PCDH9: variants seen among roughly 807,000 people sequenced by gnomAD.
The protein encoded by PCDH9 is protocadherin 9, also known as protocadherin-9.
PCDH9 carries 24 observed loss-of-function variants against 70.6 expected under a neutral mutation model. That is an observed-to-expected ratio of 0.34 (90% CI 0.25 to 0.48). PCDH9 has a LOEUF of 0.48. Ranked by LOEUF, PCDH9 falls within the 20% of genes least tolerant of loss-of-function variation. PCDH9 has a pLI of 0.99. For missense variants in PCDH9, 1,281 were observed against 1,503.6 expected (o/e 0.85, Z 2.45); for synonymous variants, 562 against 558.5 (o/e 1.01, Z -0.09).
At chr13:66,765,463 A>C (rs2079700444) in intron 3 of PCDH9, among the ~76,000 whole-genome samples, 1 of 152,102 alleles carries the variant, frequency 6.6e-6, no homozygotes, top group Non-Finnish European at 1.5e-5. Context: ...TGTGCTACAA[A>C]ATGGGACTAC....
At chr13:66,954,623 A>G (rs549773315) in intron 2 of PCDH9, among the ~76,000 whole-genome samples, 1 of 152,344 alleles carries the variant, frequency 6.6e-6, no homozygotes, top group South Asian at 2.1e-4. Context: ...TCTGAGATGT[A>G]CACTACTGCA....
intron 3 of PCDH9, among the ~76,000 whole-genome samples, chr13:66,660,378 G>A (rs1204438105): frequency 6.6e-6 from 1 of 152,032 alleles, no homozygotes; most frequent in Non-Finnish European, 1.5e-5. Flanking sequence ...TGAGTAATGA[G>A]GCTGCAGTAG....
intron 2 of PCDH9, among the ~76,000 whole-genome samples, chr13:67,179,141 G>C (rs1288086707): frequency 6.6e-6 from 1 of 151,996 alleles, no homozygotes; most frequent in East Asian, 1.9e-4. Context: ...TAGGCACTGT[G>C]TTGGGTTGGC....
At position 67,082,014 on chromosome 13, in the gene PCDH9, T is replaced by A. The variant is rs571781748; in HGVS notation, c.3036+143391A>T. Among the ~76,000 whole-genome samples, 24 of 152,284 alleles carry A rather than the reference T, an allele frequency of 1.6e-4. No homozygotes were observed. The South Asian group carries it at 2.1e-3, about 13-fold the overall frequency. The stretch of plus-strand genomic sequence containing the variant: ...TAAATGTACACTTGTAAAACCATCA[T>A]CACAATCTATGCCATAAGCACTGCC... On this transcript the variant is annotated intron_variant, in intron 2 of 4. Coordinates refer to ENST00000377865, the MANE Select transcript of PCDH9 (RefSeq NM_203487.3).
intron 2 of PCDH9, among the ~76,000 whole-genome samples, chr13:67,087,150 A>T (rs1322710538): frequency 6.6e-6 from 1 of 150,842 alleles, no homozygotes; most frequent in African/African-American, 2.4e-5. Flanking sequence ...CCCATTGATT[A>T]TTAAGATCTC....
chr13:66,355,082 A>C (rs1956358138), intron 4 of PCDH9, among the ~76,000 whole-genome samples: 1 of 152,086 alleles, frequency 6.6e-6, no homozygotes, highest in African/African-American at 2.4e-5. Flanking sequence ...GTACAAGCTG[A>C]AGGTTAAGTT....
At chr13:66,605,735 A>C (rs1183577974) in intron 4 of PCDH9, among the ~76,000 whole-genome samples, 1 of 152,154 alleles carries the variant, frequency 6.6e-6, no homozygotes, top group Admixed American at 6.6e-5. Context: ...TTATCTTAAT[A>C]GACTTGATGA....
intron 3 of PCDH9, among the ~76,000 whole-genome samples, chr13:66,701,119 G>T (rs910070411): frequency 6.6e-6 from 1 of 151,264 alleles, no homozygotes; most frequent in Non-Finnish European, 1.5e-5. Context: ...TGAGATATTT[G>T]CATTTCGTAA....
intron 3 of PCDH9, among the ~76,000 whole-genome samples, chr13:66,753,050 G>GT (rs746467202): frequency 7.9e-5 from 12 of 151,600 alleles, no homozygotes; most frequent in East Asian, 3.9e-4. Flanking sequence ...AAGAGATAGT[G>GT]TTTGTTTTTC....
intron 2 of PCDH9, among the ~76,000 whole-genome samples, chr13:66,950,555 T>G (rs1443722055): frequency 6.6e-6 from 1 of 152,114 alleles, no homozygotes; most frequent in Non-Finnish European, 1.5e-5. Flanking sequence ...TGGGAAAATA[T>G]TGTTTTCTCT....
At chr13:66,389,481 T>C (rs1956982871) in intron 4 of PCDH9, among the ~76,000 whole-genome samples, 1 of 152,200 alleles carries the variant, frequency 6.6e-6, no homozygotes, top group Non-Finnish European at 1.5e-5. Context: ...CAAACACGGT[T>C]TAATTTTTCA....
At chr13:66,357,512 G>A (rs1347519995) in intron 4 of PCDH9, among the ~76,000 whole-genome samples, 1 of 151,768 alleles carries the variant, frequency 6.6e-6, no homozygotes, top group Non-Finnish European at 1.5e-5. Flanking sequence ...TTTGTCATTC[G>A]AACTAGCAGG....
At chr13:66,752,970 T>G (rs1737026240) in intron 3 of PCDH9, among the ~76,000 whole-genome samples, 1 of 152,240 alleles carries the variant, frequency 6.6e-6, no homozygotes, top group East Asian at 1.9e-4. Flanking sequence ...TCAAAAGGAG[T>G]TCTCAAGTAG....
At chr13:67,189,614 A>C (rs570802529) in intron 2 of PCDH9, among the ~76,000 whole-genome samples, 24 of 152,208 alleles carry the variant, frequency 1.6e-4, no homozygotes, top group African/African-American at 5.5e-4. Flanking sequence ...TTAGTTACAA[A>C]AATATATACA....
At chr13:66,406,324 T>C (rs927647084) in intron 4 of PCDH9, among the ~76,000 whole-genome samples, 12 of 152,138 alleles carry the variant, frequency 7.9e-5, no homozygotes, top group Non-Finnish European at 1.3e-4. Context: ...TGAAACAAGA[T>C]AACTATATGG....
chr13:66,590,173 CA>C (rs1271441161), intron 4 of PCDH9, among the ~76,000 whole-genome samples: 2 of 151,878 alleles, frequency 1.3e-5, no homozygotes, highest in African/African-American at 4.8e-5. Context: ...AAATTTGTTT[CA>C]TGTTGTTTTA....
At chr13:66,664,023 C>G (rs1842906633) in intron 3 of PCDH9, among the ~76,000 whole-genome samples, 1 of 152,164 alleles carries the variant, frequency 6.6e-6, no homozygotes, top group South Asian at 2.1e-4. Flanking sequence ...TAGAATTCTG[C>G]TAGCAGGACA....
At chr13:66,914,865 G>C (rs2082532144) in intron 2 of PCDH9, 1 of 151,726 alleles carries the variant, frequency 6.6e-6, no homozygotes, top group Non-Finnish European at 1.5e-5. Flanking sequence ...GGTGGTGAAA[G>C]AAGAATAAAA....
intron 3 of PCDH9, among the ~76,000 whole-genome samples, chr13:66,849,031 T>C (rs1566238670): frequency 6.6e-6 from 1 of 152,066 alleles, no homozygotes; most frequent in Non-Finnish European, 1.5e-5. Context: ...TGTGATCTCC[T>C]TTAAGTTAAC....
Sources: allele counts gnomAD v4.1 joint callset (sites outside exome capture counted in the v4.1 genomes callset), GRCh38; gene constraint gnomAD v4.1.1; transcripts MANE v1.5; gene names NCBI Gene and HGNC (gene_info 2026-07-23, HGNC 2026-07-21).